Variants in RAB3A observed in about 807,000 individuals in gnomAD.
RAB3A encodes the protein ras-related protein Rab-3A.
Under a neutral mutation model 19.7 loss-of-function variants are expected in RAB3A, and 5 were observed. The ratio of observed to expected loss-of-function variants is 0.25; its 90% CI spans 0.13 to 0.53. The LOEUF is 0.53. Among genes scored for constraint, RAB3A ranks in the 20% least tolerant of loss-of-function variants. RAB3A has a pLI of 0.95. For missense variants in RAB3A, 189 were observed against 305.6 expected (o/e 0.62, Z 2.85); for synonymous variants, 119 against 122.1 (o/e 0.97, Z 0.17).
chr19:18,199,322 A>AT (rs1967576696), intron 3 of RAB3A, among the ~76,000 whole-genome samples: 1 of 151,098 alleles, frequency 6.6e-6, no homozygotes, highest in African/African-American at 2.4e-5. Context: ...ATGCCTGGTA[A>AT]TTTTTTGTGC....
rs1967635273 is a variant in RAB3A, at chr19:18,202,985, C to A, written c.1-245G>T. On this transcript the variant is annotated intron_variant, in intron 1 of 4. Coordinates refer to ENST00000222256, the MANE Select transcript of RAB3A (RefSeq NM_002866.5). The surrounding 1 kb of genome is among the most constrained non-coding windows in gnomAD (Gnocchi z 4.2). ...CCGATGGGGACACCCCAGCAGCCCC[C>A]TTCAAGGGGCAGGTGCCCCAGGTGG... 1 of 485,432 alleles carries A rather than the reference C, an allele frequency of 2.1e-6. No homozygotes were observed. Among genetic ancestry groups the A allele is most frequent in the Non-Finnish European group, 3.7e-6 (1 of 268,556 alleles). 30.1% of individuals were successfully genotyped at this position (485,432 alleles called of 1,614,324 possible). A position where few individuals can be genotyped will look rare whatever the true frequency, so the allele number is the denominator to read the frequency against.
chr19:18,199,919 T>G (rs992092148), intron 3 of RAB3A, among the ~76,000 whole-genome samples: 6 of 152,206 alleles, frequency 3.9e-5, no homozygotes, highest in African/African-American at 1.4e-4. Context: ...TCTGAAATCC[T>G]TCTCTGACCC....
rs893466192 is a variant in RAB3A at position 18,197,508 on chromosome 19, C to T, written c.625G>A (p.Asp209Asn). The T allele has an allele frequency of 1.9e-6, 3 of 1,613,102 alleles. No homozygotes were observed. Among genetic ancestry groups the T allele is most frequent in the African/African-American group, 2.7e-5 (2 of 74,996 alleles). Residue 209 changes from aspartate to asparagine, a missense_variant, in exon 5 of 5, where the codon GAC becomes AAC. Asp to Asn is a conservative substitution (Grantham distance 23). Transcript: ENST00000222256. ...TCCTGGTGCGGTGGCACCTGCTGGT[C>T]ACTGAGCTGTGGGCCCTGCTTGGCG... ...TGAKQGPQLS[D>N]QQVPPHQDCA... is the part of the protein sequence containing the mutation.
chr19:18,198,961 G>A lies in RAB3A; in HGVS notation c.348-112C>T, dbSNP rs906228027. The A allele has an allele frequency of 3.1e-5, 42 of 1,355,970 alleles. No individual in the cohort carries two copies. In the African/African-American group the frequency reaches 3.9e-4, roughly 13 times the overall value. The allele number at this position is 1,355,970 out of a possible 1,614,324, so 84.0% of individuals were successfully genotyped here. On this transcript the variant is annotated intron_variant, in intron 3 of 4. Coordinates refer to ENST00000222256, the MANE Select transcript of RAB3A (RefSeq NM_002866.5). ...CCGAGGAAGAAAGACCCAGAAGCTT[G>A]CCCCTCCATCCTCCCCACCATCCTT...
chr19:18,203,725 A>C (rs1339617012), intron 1 of RAB3A, among the ~76,000 whole-genome samples, 171 bp downstream of exon 1: 1 of 152,196 alleles, frequency 6.6e-6, no homozygotes, highest in East Asian at 1.9e-4. Flanking sequence ...GGTGAGGATC[A>C]GGCAGGAGTG....
chr19:18,204,034 A>T lies in RAB3A; in HGVS notation c.-139T>A, dbSNP rs569932868. 6.5e-6 allele frequency: 1 copy of T among 154,200 alleles called. No individual in the cohort carries two copies. Among genetic ancestry groups the T allele is most frequent in the South Asian group, 1.6e-4 (1 of 6,178 alleles). 9.6% of individuals were successfully genotyped at this position (154,200 alleles called of 1,614,324 possible). A position where few individuals can be genotyped will look rare whatever the true frequency, so the allele number is the denominator to read the frequency against. Reference sequence around the variant, plus strand: ...GCTCAGGCCCCTGCAGTCCTCCGTGACGTCCTGCAAAGGGAGGGGCGGAGC... The same window carrying T: ...GCTCAGGCCCCTGCAGTCCTCCGTGTCGTCCTGCAAAGGGAGGGGCGGAGC... On this transcript the variant is annotated 5_prime_UTR_variant, in exon 1 of 5. Coordinates refer to ENST00000222256, the MANE Select transcript of RAB3A (RefSeq NM_002866.5).
chr19:18,201,447 T>G (rs1469728387), intron 2 of RAB3A, among the ~76,000 whole-genome samples: 1 of 139,620 alleles, frequency 7.2e-6, no homozygotes, highest in African/African-American at 2.7e-5. Context: ...TTAGCTGGGC[T>G]TGGTGGTGAG....
rs926928704 is a variant in RAB3A, at chr19:18,202,902, G to C, written c.1-162C>G. 109 of 605,180 alleles carry C rather than the reference G, an allele frequency of 1.8e-4. No individual in the cohort carries two copies. The highest frequency in any genetic ancestry group is 5.0e-5 in the Non-Finnish European group (17 of 341,518). The allele number at this position is 605,180 out of a possible 1,614,324, so 37.5% of individuals were successfully genotyped here. On this transcript the variant is annotated intron_variant, in intron 1 of 4. Coordinates refer to ENST00000222256, the MANE Select transcript of RAB3A (RefSeq NM_002866.5). This position sits in a 1 kb window ranked among gnomAD's most constrained non-coding sequence, Gnocchi z 4.2. ...GTATTAATTGGTGGTGCCCCCAGCA[G>C]AGGGCAGCCTGTGACCTTGAAATCC...
At position 18,200,531 on chromosome 19, in the gene RAB3A, C is replaced by A. The variant is rs539616376; in HGVS notation, c.229-86G>T. 4.1e-4 allele frequency: 477 copies of A among 1,171,192 alleles called. 6 individuals carry two copies. The South Asian group carries it at 6.2e-3, about 15-fold the overall frequency. The allele number at this position is 1,171,192 out of a possible 1,614,324, so 72.5% of individuals were successfully genotyped here. A position where few individuals can be genotyped will look rare whatever the true frequency, so the allele number is the denominator to read the frequency against. On this transcript the variant is annotated intron_variant, in intron 2 of 4. Transcript: ENST00000222256. ...GAGCTCTGATATCATCCAGTTCAGC[C>A]CCCTGGGAGAAGCAGGAGCTTGCCC...
chr19:18,199,220 G>A (rs575621876), intron 3 of RAB3A, among the ~76,000 whole-genome samples: 38 of 150,944 alleles, frequency 2.5e-4, no homozygotes, highest in African/African-American at 3.4e-4. Context: ...GCAGTGGCGC[G>A]ATCTAGGCTC....
chr19:18,201,249 CAA>C (rs111370852), intron 2 of RAB3A, among the ~76,000 whole-genome samples: 32,710 of 112,452 alleles, frequency 0.29, 5,020 homozygotes, highest in Non-Finnish European at 0.34. Context: ...ACAATAACAA[CAA>C]AAAAAAAAAA....
At chr19:18,201,730 G>T (rs1009882195) in intron 2 of RAB3A, among the ~76,000 whole-genome samples, 2 of 152,156 alleles carry the variant, frequency 1.3e-5, no homozygotes, top group African/African-American at 4.8e-5. Flanking sequence ...GAAAATAACG[G>T]TATAAATGTA....
chr19:18,203,235 C>T (rs1156549331), intron 1 of RAB3A, among the ~76,000 whole-genome samples: 2 of 152,238 alleles, frequency 1.3e-5, no homozygotes, highest in Non-Finnish European at 1.5e-5. Context: ...GGGGCATGCA[C>T]ACGCTCACGT....
chr19:18,200,462 G>A lies in RAB3A; in HGVS notation c.229-17C>T, dbSNP rs562040832. The A allele has an allele frequency of 1.3e-6, 2 of 1,592,162 alleles. No individual in the cohort carries two copies. Among genetic ancestry groups the A allele is most frequent in the Non-Finnish European group, 1.7e-6 (2 of 1,165,836 alleles). Reference sequence around the variant, plus strand: ...TGCTGTGTCCTAGGGAGGAAGAGATGAAGGTCAGAGAGGACCTGCACATAA... The same window carrying A: ...TGCTGTGTCCTAGGGAGGAAGAGATAAAGGTCAGAGAGGACCTGCACATAA... On this transcript the variant is annotated splice_polypyrimidine_tract_variant and intron_variant, in intron 2 of 4. Transcript: ENST00000222256.
rs1221105793 is a variant in RAB3A at position 18,200,356 on chromosome 19, G to A, written c.318C>T (p.Asn106=). ...CCTGCACTGCATTGAAGGATTCCTCGTTGGTGATGTCATACATGAGGATGA... is the reference window on the plus strand; with the variant it reads ...CCTGCACTGCATTGAAGGATTCCTCATTGGTGATGTCATACATGAGGATGA... The part of the protein sequence containing the change: ...MGFILMYDIT[N]EESFNAVQDW... Residue 106 remains asparagine, a synonymous_variant, in exon 3 of 5, where the codon AAC becomes AAT. Transcript: ENST00000222256. The A allele has an allele frequency of 3.1e-6, 5 of 1,613,702 alleles. No homozygotes were observed. Among genetic ancestry groups the A allele is most frequent in the Non-Finnish European group, 4.2e-6 (5 of 1,179,680 alleles).
At chr19:18,201,468 C>T (rs1365056668) in intron 2 of RAB3A, among the ~76,000 whole-genome samples, 2 of 151,974 alleles carry the variant, frequency 1.3e-5, no homozygotes, top group African/African-American at 4.8e-5. Flanking sequence ...CCCCTGTAAT[C>T]CCAGCTACTC....
chr19:18,197,478 C>A lies in RAB3A; in HGVS notation c.655G>T (p.Ala219Ser), dbSNP rs573484093. The change falls in exon 5 of 5, where the codon GCC becomes TCC. Residue 219 changes from alanine (A) to serine (S), a missense_variant. Physicochemically the swap from Ala to Ser is moderately conservative, Grantham distance 99. Transcript: ENST00000222256. Reference protein sequence around the residue: ...DQQVPPHQDCAC With the variant: ...DQQVPPHQDCSC ...AGGGAGTGGGATGGCTCTCAGCAGG[C>A]GCAGTCCTGGTGCGGTGGCACCTGC... 12 of 1,611,478 alleles carry A rather than the reference C, an allele frequency of 7.4e-6. No homozygotes were observed. The highest frequency in any genetic ancestry group is 1.0e-5 in the Non-Finnish European group (12 of 1,179,086).
Position 18,196,950 on chromosome 19 carries a change from C to G in RAB3A, c.*520G>C, listed in dbSNP as rs929609476. The G allele has an allele frequency of 3.6e-5, 6 of 168,846 alleles. No homozygotes were observed. Among genetic ancestry groups the G allele is most frequent in the Non-Finnish European group, 6.5e-5 (5 of 77,290 alleles). 10.5% of individuals were successfully genotyped at this position (168,846 alleles called of 1,614,324 possible). ...GGGTGGTGAATACCCACAGCACACC[C>G]CCCCACCAAAAGAGAAAACGGGGAG... On this transcript the variant is annotated 3_prime_UTR_variant, in exon 5 of 5. Coordinates refer to ENST00000222256, the MANE Select transcript of RAB3A (RefSeq NM_002866.5).
intron 4 of RAB3A, among the ~76,000 whole-genome samples, chr19:18,198,195 G>C (rs1348830939): frequency 6.6e-6 from 1 of 152,050 alleles, no homozygotes; most frequent in Non-Finnish European, 1.5e-5. Context: ...CACCCTCTGT[G>C]ACTCCCTATT....
Sources: allele counts gnomAD v4.1 joint callset (sites outside exome capture counted in the v4.1 genomes callset), GRCh38; gene constraint gnomAD v4.1.1; non-coding constraint Gnocchi (gnomAD v3.1); transcripts MANE v1.5; gene names NCBI Gene and HGNC (gene_info 2026-07-23, HGNC 2026-07-21).